Variants in CEP128 observed in about 807,000 individuals in gnomAD.
CEP128 encodes centrosomal protein 128kDa.
CEP128 carries 132 observed loss-of-function variants against 156.7 expected under a neutral mutation model. The ratio of observed to expected loss-of-function variants is 0.84; its 90% CI spans 0.73 to 0.97. The LOEUF is 0.97. Among genes scored for constraint, CEP128 ranks in the 50% least tolerant of loss-of-function variants. CEP128 has a pLI of 0.00. For missense variants in CEP128, 1,252 were observed against 1,281.9 expected (o/e 0.98, Z 0.36); for synonymous variants, 469 against 448.9 (o/e 1.04, Z -0.57).
intron 23 of CEP128, among the ~76,000 whole-genome samples, chr14:80,506,585 C>G (rs1887987074): frequency 6.6e-6 from 1 of 151,588 alleles, no homozygotes; most frequent in South Asian, 2.1e-4. Flanking sequence ...GTTAGGTGGC[C>G]CAGAAAGATT....
chr14:80,942,410 A>G (rs1341477884), upstream of CEP128: 1 of 152,226 alleles, frequency 6.6e-6, no homozygotes, highest in Non-Finnish European at 1.5e-5. Flanking sequence ...TTTTCCACTC[A>G]GGGGAGTTGG....
chr14:80,703,571 T>C (rs969589590), intron 19 of CEP128, among the ~76,000 whole-genome samples: 38 of 152,044 alleles, frequency 2.5e-4, no homozygotes, highest in African/African-American at 7.7e-4. Context: ...CTTATAATAG[T>C]AATTTCCAAT....
intron 20 of CEP128, among the ~76,000 whole-genome samples, chr14:80,567,329 T>C (rs1391928038): frequency 6.6e-6 from 1 of 152,082 alleles, no homozygotes; most frequent in African/African-American, 2.4e-5. Flanking sequence ...GGGTGAAGAA[T>C]ACAAGTGGGG....
chr14:80,539,386 C>T (rs542064252), intron 21 of CEP128, among the ~76,000 whole-genome samples: 126 of 152,212 alleles, frequency 8.3e-4, no homozygotes, highest in African/African-American at 2.8e-3. Flanking sequence ...TCAGGGACCT[C>T]GAACAGAGGG....
At chr14:80,650,181 G>A (rs1280699149) in intron 19 of CEP128, among the ~76,000 whole-genome samples, 2 of 152,100 alleles carry the variant, frequency 1.3e-5, no homozygotes, top group Admixed American at 6.5e-5. Flanking sequence ...TGCAGCAATT[G>A]TGAATGGGAG....
At chr14:80,515,357 G>T (rs539986171) in intron 23 of CEP128, among the ~76,000 whole-genome samples, 2 of 152,262 alleles carry the variant, frequency 1.3e-5, no homozygotes, top group African/African-American at 4.8e-5. Context: ...GAAACTTTAT[G>T]AATCTACTTG....
intron 19 of CEP128, among the ~76,000 whole-genome samples, chr14:80,623,376 G>T (rs182595536): frequency 0.036 from 5,517 of 151,408 alleles, 115 homozygotes; most frequent in Middle Eastern, 0.078. Context: ...GAGTTAATGG[G>T]TGCAGCACAC....
intron 2 of CEP128, among the ~76,000 whole-genome samples, chr14:80,936,542 G>A (rs1885818269): frequency 6.6e-6 from 1 of 152,146 alleles, no homozygotes; most frequent in Non-Finnish European, 1.5e-5. Context: ...TCAGAGAGGT[G>A]TGCATATCCG....
At chr14:80,593,941 T>C (rs981385092) in intron 19 of CEP128, among the ~76,000 whole-genome samples, 2 of 152,186 alleles carry the variant, frequency 1.3e-5, no homozygotes, top group Admixed American at 6.5e-5. Flanking sequence ...CATGCTACCA[T>C]TGACTTTCTT....
rs1473577933 is a variant in CEP128 at position 80,722,828 on chromosome 14, T to C, written c.2806+20247A>G. Among the ~76,000 whole-genome samples, 11 of 145,382 alleles carry C rather than the reference T, an allele frequency of 7.6e-5. No homozygotes were observed. In the Admixed American group the frequency reaches 7.6e-4, roughly 10 times the overall value. The stretch of plus-strand genomic sequence containing the variant: ...GCAGAGGTTACTCTTTATCTTTTTT[T>C]TTTTTTTTTTTTTTTGAGACGGGAG... On this transcript the variant is annotated intron_variant, in intron 19 of 24. Coordinates refer to ENST00000555265, the MANE Select transcript of CEP128 (RefSeq NM_152446.5).
chr14:80,907,134 A>C (rs923662130), intron 4 of CEP128, among the ~76,000 whole-genome samples: 1 of 152,200 alleles, frequency 6.6e-6, no homozygotes, highest in African/African-American at 2.4e-5. Context: ...ATGAAACAGA[A>C]TGTGAGTCAC....
At chr14:80,634,626 A>AT (rs1894104811) in intron 19 of CEP128, among the ~76,000 whole-genome samples, 2 of 152,078 alleles carry the variant, frequency 1.3e-5, no homozygotes, top group Admixed American at 1.3e-4. Context: ...CCTGGTAATC[A>AT]TTTTTTCCCA....
intron 19 of CEP128, among the ~76,000 whole-genome samples, chr14:80,675,351 A>G (rs1161961348): frequency 2.0e-5 from 3 of 152,198 alleles, no homozygotes; most frequent in African/African-American, 7.2e-5. Flanking sequence ...ACAGTATGTG[A>G]GTATTCAACT....
chr14:80,671,454 C>T (rs1393456142), intron 19 of CEP128, among the ~76,000 whole-genome samples: 1 of 152,140 alleles, frequency 6.6e-6, no homozygotes, highest in Non-Finnish European at 1.5e-5. Flanking sequence ...TATCACAAGA[C>T]AGACATCTAG....
intron 10 of CEP128, 65 bp downstream of exon 10, chr14:80,840,617 C>A: frequency 2.1e-6 from 2 of 957,854 alleles, no homozygotes; most frequent in South Asian, 2.7e-5. Flanking sequence ...CTTTTCAAGG[C>A]ACTCAACAAA....
chr14:80,916,114 A>G (rs1884536843), intron 3 of CEP128, among the ~76,000 whole-genome samples: 1 of 152,210 alleles, frequency 6.6e-6, no homozygotes. Context: ...GAAGGCAGCC[A>G]CAAGATAAGA....
At chr14:80,563,804 G>C (rs753875673) in intron 20 of CEP128, among the ~76,000 whole-genome samples, 2 of 151,804 alleles carry the variant, frequency 1.3e-5, no homozygotes, top group Admixed American at 1.3e-4. Flanking sequence ...CAAAGTGCTG[G>C]GATTACAGGC....
chr14:80,770,102 C>G (rs999125298), intron 16 of CEP128, among the ~76,000 whole-genome samples: 1 of 152,174 alleles, frequency 6.6e-6, no homozygotes, highest in Admixed American at 6.5e-5. Context: ...TTTGCCTTCT[C>G]CTCTAGACCC....
At chr14:80,533,166 C>T (rs1353493588) in intron 21 of CEP128, among the ~76,000 whole-genome samples, 2 of 152,050 alleles carry the variant, frequency 1.3e-5, no homozygotes, top group South Asian at 2.1e-4. Context: ...ATGCCATATT[C>T]ATTTAAATAA....
Sources: allele counts gnomAD v4.1 joint callset (sites outside exome capture counted in the v4.1 genomes callset), GRCh38; gene constraint gnomAD v4.1.1; transcripts MANE v1.5; gene names NCBI Gene and HGNC (gene_info 2026-07-23, HGNC 2026-07-21).